The following CD99L2 variants were observed in gnomAD, a reference collection of about 807,000 sequenced individuals.
CD99L2 encodes the protein CD99 molecule like 2.
A neutral mutation model predicts 27.3 loss-of-function variants in CD99L2; 24 were observed. The ratio of observed to expected loss-of-function variants is 0.88; its 90% CI spans 0.64 to 1.24. The LOEUF (loss-of-function observed/expected upper bound fraction) is 1.24. Ranked by LOEUF, CD99L2 falls within the 50% of genes most tolerant of loss-of-function variation. The pLI is 0.00. For synonymous variants in CD99L2, 97 were observed against 87.9 expected, an observed-to-expected ratio of 1.10 and a Z score of -0.58; for missense variants, 255 against 221.6, an observed-to-expected ratio of 1.15 and a Z score of -0.96.
At chrX:150,824,265 AAGGAGG>A (rs377222708) in intron 2 of CD99L2, among the ~76,000 whole-genome samples, 19 of 50,676 alleles carry the variant, frequency 3.7e-4, no homozygotes, top group South Asian at 2.1e-3. Flanking sequence ...AGGAAGAAGG[AAGGAGG>A]AGGAGGAGGA....
chrX:150,824,496 GA>G (rs1217182537), intron 2 of CD99L2, among the ~76,000 whole-genome samples: 15 of 72,889 alleles, frequency 2.1e-4, no homozygotes, highest in African/African-American at 4.2e-4. Context: ...AGAAGAAGAA[GA>G]AAGAAGAAGA....
At chrX:150,833,644 T>C (rs182096361) in intron 1 of CD99L2, among the ~76,000 whole-genome samples, 99 of 111,789 alleles carry the variant, frequency 8.9e-4, no homozygotes, top group African/African-American at 3.1e-3. Context: ...AGCACCAAAA[T>C]AAACTCAAAT....
chrX:150,795,977 T>G (rs916077431), intron 4 of CD99L2, among the ~76,000 whole-genome samples: 2 of 112,764 alleles, frequency 1.8e-5, no homozygotes, highest in African/African-American at 6.4e-5. Context: ...TGGTTACTAT[T>G]ATAAACATCA....
intron 1 of CD99L2, among the ~76,000 whole-genome samples, chrX:150,884,728 C>A (rs782133579): frequency 2.7e-5 from 3 of 111,621 alleles, no homozygotes; most frequent in Non-Finnish European, 5.7e-5. Context: ...ACCTTGTAGA[C>A]CCCCTGAAGA....
Position 150,768,931 on chromosome X carries a change from T to A in CD99L2, c.*103A>T, listed in dbSNP as rs41311690. 4 of 1,069,110 alleles carry A rather than the reference T, an allele frequency of 3.7e-6. No individual in the cohort carries two copies. Among genetic ancestry groups the A allele is most frequent in the Non-Finnish European group, 4.8e-6 (4 of 835,857 alleles). The allele number at this position is 1,069,110 out of a possible 1,213,427, so 88.1% of individuals were successfully genotyped here. A position where few individuals can be genotyped will look rare whatever the true frequency, so the allele number is the denominator to read the frequency against. On this transcript the variant is annotated 3_prime_UTR_variant, in exon 11 of 11. Coordinates refer to ENST00000370377, the MANE Select transcript of CD99L2 (RefSeq NM_031462.4). ...GAAACTCAGACCAACAAGGAGCCGA[T>A]GGCACAGAGCAGCACAGCAGCTGCG...
intron 1 of CD99L2, among the ~76,000 whole-genome samples, chrX:150,861,889 G>C (rs1213331427): frequency 2.0e-5 from 2 of 101,862 alleles, no homozygotes; most frequent in African/African-American, 7.2e-5. Context: ...CTGGGCAACA[G>C]AGCGAGACTC....
At chrX:150,851,882 A>G (rs1466439288) in intron 1 of CD99L2, among the ~76,000 whole-genome samples, 1 of 111,972 alleles carries the variant, frequency 8.9e-6, no homozygotes, top group Non-Finnish European at 1.9e-5. Context: ...ACAATTTCCC[A>G]TCTTAAGATC....
At chrX:150,864,728 C>G (rs915157252) in intron 1 of CD99L2, among the ~76,000 whole-genome samples, 4 of 112,619 alleles carry the variant, frequency 3.6e-5, no homozygotes, top group African/African-American at 1.3e-4. Context: ...CAATACTATT[C>G]ATAAAAAGCA....
chrX:150,778,299 G>A lies in CD99L2; in HGVS notation c.497-817C>T, dbSNP rs985195489. ...TTCATGCCACCCTCTTCTCAGGGCC[G>A]AACACTCATTAATGGAGGGAGACTG... On this transcript the variant is annotated intron_variant, in intron 7 of 10. Transcript: ENST00000370377. 6.3e-5 allele frequency among the ~76,000 whole-genome samples: 7 copies of A among 110,383 alleles called. No homozygotes were observed. The East Asian group carries it at 8.5e-4, about 13-fold the overall frequency.
intron 4 of CD99L2, among the ~76,000 whole-genome samples, chrX:150,807,681 G>C (rs934426578): frequency 8.9e-6 from 1 of 111,915 alleles, no homozygotes; most frequent in Admixed American, 9.4e-5. Context: ...AAGAAAAAAA[G>C]GCAGCCTCAA....
At chrX:150,805,476 C>A (rs782055036) in intron 4 of CD99L2, among the ~76,000 whole-genome samples, 1 of 110,824 alleles carries the variant, frequency 9.0e-6, no homozygotes, top group Non-Finnish European at 1.9e-5. Flanking sequence ...CTTGAATGTT[C>A]TCACCACAAA....
intron 10 of CD99L2, among the ~76,000 whole-genome samples, chrX:150,769,312 CA>C (rs2043370472): frequency 2.7e-5 from 3 of 111,980 alleles, no homozygotes; most frequent in Non-Finnish European, 5.6e-5. Context: ...GGAAACAGCT[CA>C]GCCTCCATCT....
chrX:150,872,067 CA>C (rs1424025870), intron 1 of CD99L2, among the ~76,000 whole-genome samples: 1 of 110,240 alleles, frequency 9.1e-6, no homozygotes, highest in African/African-American at 3.3e-5. Flanking sequence ...CCTGTCTCTA[CA>C]AAAAAGTTAA....
At chrX:150,848,444 A>G (rs1453366084) in intron 1 of CD99L2, among the ~76,000 whole-genome samples, 1 of 109,692 alleles carries the variant, frequency 9.1e-6, no homozygotes, top group Non-Finnish European at 1.9e-5. Flanking sequence ...TGCAAGATAA[A>G]AAAGTTATGG....
At chrX:150,859,009 T>C (rs1330383550) in intron 1 of CD99L2, among the ~76,000 whole-genome samples, 1 of 110,681 alleles carries the variant, frequency 9.0e-6, no homozygotes, top group Non-Finnish European at 1.9e-5. Flanking sequence ...AAATCAGAAC[T>C]GAAAAAGGGG....
intron 1 of CD99L2, among the ~76,000 whole-genome samples, chrX:150,885,376 AC>A (rs2047392141): frequency 9.4e-6 from 1 of 106,600 alleles, no homozygotes; most frequent in Non-Finnish European, 1.9e-5. Flanking sequence ...AACAACAACA[AC>A]AAAAAAACAA....
At chrX:150,818,711 T>C in intron 2 of CD99L2, 1 of 155,269 alleles carries the variant, frequency 6.4e-6, no homozygotes, top group Non-Finnish European at 1.4e-5. Context: ...TTTAATAAAC[T>C]AGAAAAAGAA....
chrX:150,790,690 T>C lies in CD99L2; in HGVS notation c.496+3001A>G, dbSNP rs782382901. On this transcript the variant is annotated intron_variant, in intron 7 of 10. Transcript: ENST00000370377. ...AATGACGGGTAGTAGGAGCTAGGTGTCTCACTGTCAGAGAGGAAAGTTATA... is the reference window on the plus strand; with the variant it reads ...AATGACGGGTAGTAGGAGCTAGGTGCCTCACTGTCAGAGAGGAAAGTTATA... 1.6e-3 allele frequency among the ~76,000 whole-genome samples: 179 copies of C among 111,563 alleles called. 1 individual carries two copies. The highest frequency in any genetic ancestry group is 5.4e-3 in the African/African-American group (167 of 30,718).
intron 4 of CD99L2, 130 bp from the exon 5 acceptor site, chrX:150,795,616 A>G: frequency 1.6e-6 from 1 of 611,629 alleles, no homozygotes; most frequent in Non-Finnish European, 2.6e-6. Flanking sequence ...GGACCTCTGC[A>G]GAATCACTTT....
Sources: allele counts gnomAD v4.1 joint callset (sites outside exome capture counted in the v4.1 genomes callset), GRCh38; gene constraint gnomAD v4.1.1; transcripts MANE v1.5; gene names NCBI Gene and HGNC (gene_info 2026-07-23, HGNC 2026-07-21).